The following ZNF618 variants were observed in gnomAD, a reference collection of about 807,000 sequenced individuals.
ZNF618 encodes zinc finger protein 618, also known as neural precursor cell expressed, developmentally down-regulated 10.
In ZNF618, 34 loss-of-function variants were observed where a neutral mutation model predicts 103.0. The observed-to-expected ratio is 0.33, with a 90% CI of 0.25 to 0.44. The LOEUF is 0.44. Among genes scored for constraint, ZNF618 ranks in the 20% least tolerant of loss-of-function variants. The pLI is 1.00. For missense variants in ZNF618, 1,059 were observed against 1,295.4 expected (o/e 0.82, Z 2.80); for synonymous variants, 551 against 542.2 (o/e 1.02, Z -0.23).
intron 3 of ZNF618, among the ~76,000 whole-genome samples, chr9:113,997,193 G>A (rs190421028): frequency 2.0e-5 from 3 of 150,908 alleles, no homozygotes; most frequent in African/African-American, 4.9e-5. Flanking sequence ...CTGCAGCCTC[G>A]ACCTCCAGGG....
At chr9:113,902,022 C>G (rs1048137958) in intron 1 of ZNF618, among the ~76,000 whole-genome samples, 1 of 152,002 alleles carries the variant, frequency 6.6e-6, no homozygotes, top group African/African-American at 2.4e-5. Context: ...TACAGACTCT[C>G]TTTCTGACTT....
intron 1 of ZNF618, among the ~76,000 whole-genome samples, chr9:113,891,484 G>A (rs1564135254): frequency 1.3e-5 from 2 of 152,122 alleles, no homozygotes; most frequent in Admixed American, 6.6e-5. Flanking sequence ...AAAAAGTGTT[G>A]GTGAGGATGT....
intron 1 of ZNF618, among the ~76,000 whole-genome samples, chr9:113,949,316 G>A (rs1835326199): frequency 6.6e-6 from 1 of 152,216 alleles, no homozygotes; most frequent in Non-Finnish European, 1.5e-5. Context: ...TGCAAGTCCT[G>A]TAATTCAAGG....
intron 1 of ZNF618, among the ~76,000 whole-genome samples, chr9:113,884,782 GA>G (rs1828903562): frequency 1.5e-5 from 2 of 136,106 alleles, no homozygotes; most frequent in African/African-American, 5.9e-5. Context: ...CACAGAGAGA[GA>G]GAGAGAGAGA....
chr9:113,989,778 T>C (rs572963133), intron 3 of ZNF618, among the ~76,000 whole-genome samples: 1 of 152,380 alleles, frequency 6.6e-6, no homozygotes, highest in African/African-American at 2.4e-5. Context: ...AGAATCATCC[T>C]TAAACTCCCT....
intron 10 of ZNF618, among the ~76,000 whole-genome samples, chr9:114,026,436 A>G (rs979632805): frequency 3.9e-5 from 6 of 152,230 alleles, no homozygotes; most frequent in South Asian, 2.1e-4. Flanking sequence ...CAGGAATTGT[A>G]GACTCTGTAA....
Position 113,988,468 on chromosome 9 carries a change from C to T in ZNF618, c.225C>T (p.Ile75=), listed in dbSNP as rs1261923855. The T allele has an allele frequency of 2.5e-6, 4 of 1,613,466 alleles. No individual in the cohort carries two copies. The African/African-American group carries it at 4.0e-5, about 16-fold the overall frequency. Reference sequence around the variant, plus strand: ...CCGATGACTACATCCAGGAGGTGATCTGGCAGGGCGAGGCCAAGGAGGAGA... The same window carrying T: ...CCGATGACTACATCCAGGAGGTGATTTGGCAGGGCGAGGCCAAGGAGGAGA... ...ELPDDYIQEV[I]WQGEAKEEKK... is the part of the protein sequence containing the mutation. Residue 75 remains isoleucine (I), a synonymous_variant, in exon 3 of 15, where the codon ATC becomes ATT. Transcript: ENST00000374126.
chr9:114,028,635 G>C, intron 10 of ZNF618, 98 bp from the exon 11 acceptor site: 1 of 1,427,306 alleles, frequency 7.0e-7, no homozygotes, highest in Non-Finnish European at 9.3e-7. Flanking sequence ...GTTGGACAGA[G>C]ACAGTCCCAA....
At chr9:114,019,342 T>C (rs909444657) in intron 10 of ZNF618, among the ~76,000 whole-genome samples, 4 of 152,250 alleles carry the variant, frequency 2.6e-5, no homozygotes, top group African/African-American at 9.6e-5. Flanking sequence ...TGTGTTCATT[T>C]CTTTGGATAA....
At chr9:114,048,299 C>T (rs1845836365) in intron 14 of ZNF618, among the ~76,000 whole-genome samples, 2 of 152,142 alleles carry the variant, frequency 1.3e-5, no homozygotes, top group African/African-American at 4.8e-5. Context: ...ACATGATGAT[C>T]CCATGTATCT....
chr9:113,915,464 G>A (rs1195767045), intron 1 of ZNF618, among the ~76,000 whole-genome samples: 1 of 152,236 alleles, frequency 6.6e-6, no homozygotes, highest in Non-Finnish European at 1.5e-5. Context: ...GGAGGGTCAG[G>A]GACACCAGCT....
intron 2 of ZNF618, among the ~76,000 whole-genome samples, chr9:113,973,548 A>G (rs530675050): frequency 1.3e-5 from 2 of 152,160 alleles, no homozygotes; most frequent in Admixed American, 6.5e-5. Context: ...CTGTAACCCA[A>G]ACTGGGTCGA....
At chr9:114,022,719 A>G (rs540348180) in intron 10 of ZNF618, among the ~76,000 whole-genome samples, 4 of 151,904 alleles carry the variant, frequency 2.6e-5, no homozygotes, top group South Asian at 4.2e-4. Context: ...TGTCTTACCA[A>G]GTTCTGAGAG....
At position 114,050,107 on chromosome 9, in the gene ZNF618, G is replaced by A. The variant is rs748862202; in HGVS notation, c.2805G>A (p.Arg935=). The change falls in exon 15 of 15, where the codon AGG becomes AGA. Residue 935 remains arginine (R), a synonymous_variant. Coordinates refer to ENST00000374126, the MANE Select transcript of ZNF618 (RefSeq NM_001318042.2). ...MCEQALLIKR[R]RLLSPEDMNK... Reference sequence around the variant, plus strand: ...AACAAGCGCTTCTAATCAAACGGAGGCGGCTGCTCAGTCCAGAAGATATGA... The same window carrying A: ...AACAAGCGCTTCTAATCAAACGGAGACGGCTGCTCAGTCCAGAAGATATGA... 2 of 1,607,704 alleles carry A rather than the reference G, an allele frequency of 1.2e-6. No individual in the cohort carries two copies. Among genetic ancestry groups the A allele is most frequent in the Middle Eastern group, 1.7e-4 (1 of 6,054 alleles).
At chr9:113,938,268 G>A (rs1304654041) in intron 1 of ZNF618, among the ~76,000 whole-genome samples, 1 of 146,238 alleles carries the variant, frequency 6.8e-6, no homozygotes, top group Non-Finnish European at 1.5e-5. Context: ...CAAACTCCTG[G>A]TCTCCAGTGA....
intron 10 of ZNF618, chr9:114,028,446 G>A (rs1843706974): frequency 2.4e-6 from 1 of 423,702 alleles, no homozygotes; most frequent in Non-Finnish European, 4.2e-6. Flanking sequence ...CAATTCAGAT[G>A]CCCTAAGAGC....
chr9:114,030,852 C>G (rs1435345150), intron 11 of ZNF618: 1 of 152,192 alleles, frequency 6.6e-6, no homozygotes, highest in African/African-American at 2.4e-5. Flanking sequence ...GCATTATCAG[C>G]TGAGCAGTGT....
chr9:113,951,453 A>ATG (rs1835653708), intron 1 of ZNF618, among the ~76,000 whole-genome samples: 1 of 34,018 alleles, frequency 2.9e-5, no homozygotes, highest in African/African-American at 7.5e-5. Context: ...ATATATGTGT[A>ATG]TATATACATA....
intron 3 of ZNF618, 50 bp downstream of exon 3, chr9:113,988,630 G>A: frequency 6.4e-7 from 1 of 1,550,504 alleles, no homozygotes; most frequent in Admixed American, 1.8e-5. Context: ...TGGGAACATG[G>A]AGTCAGAGTC....
Sources: allele counts gnomAD v4.1 joint callset (sites outside exome capture counted in the v4.1 genomes callset), GRCh38; gene constraint gnomAD v4.1.1; transcripts MANE v1.5; gene names NCBI Gene and HGNC (gene_info 2026-07-23, HGNC 2026-07-21).